Variants in FBXW11 observed in about 807,000 individuals in gnomAD.
The protein encoded by FBXW11 is F-box and WD repeat domain containing 11.
A neutral mutation model predicts 77.6 loss-of-function variants in FBXW11; 19 were observed. That is an observed-to-expected ratio of 0.24 (90% confidence interval 0.17 to 0.36). FBXW11 has a LOEUF of 0.36. Ranked by LOEUF, FBXW11 falls within the 10% of genes least tolerant of loss-of-function variation. The pLI, the probability that FBXW11 is intolerant of heterozygous loss-of-function variation, is 1.00. For synonymous variants in FBXW11, 235 were observed against 249.4 expected (o/e 0.94, Z 0.54); for missense variants, 334 against 704.2 (o/e 0.47, Z 5.95).
chr5:171,970,076 C>T (rs2113412073), intron 1 of FBXW11, among the ~76,000 whole-genome samples: 1 of 152,330 alleles, frequency 6.6e-6, no homozygotes, highest in South Asian at 2.1e-4. Context: ...ATCTAACATG[C>T]TACTTGTCTC....
At chr5:171,893,524 T>G (rs1315919853) in intron 6 of FBXW11, among the ~76,000 whole-genome samples, 1 of 144,234 alleles carries the variant, frequency 6.9e-6, no homozygotes, top group Admixed American at 7.3e-5. Context: ...TAAAAAGAGG[T>G]CCAGAATACA....
chr5:171,885,086 T>C (rs1758785946), intron 7 of FBXW11, among the ~76,000 whole-genome samples: 1 of 152,084 alleles, frequency 6.6e-6, no homozygotes, highest in African/African-American at 2.4e-5. Context: ...GGGGCTGGAG[T>C]TGTGTATTTC....
rs920185617 is a variant in FBXW11 at position 171,877,524 on chromosome 5, A to G, written c.971+487T>C. 3.9e-4 allele frequency among the ~76,000 whole-genome samples: 59 copies of G among 152,250 alleles called. 1 individual carries two copies. Among genetic ancestry groups the G allele is most frequent in the Admixed American group, 3.9e-3 (59 of 15,294 alleles). ...GCTTTTCTGTAACCCTCATCTCCTA[A>G]GAGGACAAGTTCACATAGGGCAGAG... On this transcript the variant is annotated intron_variant, in intron 8 of 13. Transcript: ENST00000517395.
At chr5:171,995,136 G>GA (rs1765962417) in intron 1 of FBXW11, among the ~76,000 whole-genome samples, 1 of 152,050 alleles carries the variant, frequency 6.6e-6, no homozygotes, top group Admixed American at 6.5e-5. Flanking sequence ...ATTAAATACC[G>GA]AAAAAAGTCA....
At chr5:171,987,417 C>A (rs375297485) in intron 1 of FBXW11, among the ~76,000 whole-genome samples, 1 of 151,972 alleles carries the variant, frequency 6.6e-6, no homozygotes, top group African/African-American at 2.4e-5. Context: ...AACTTCTGCT[C>A]GAGCCTCAAA....
chr5:171,887,082 A>G (rs1442634761), intron 7 of FBXW11, among the ~76,000 whole-genome samples: 1 of 152,186 alleles, frequency 6.6e-6, no homozygotes, highest in African/African-American at 2.4e-5. Flanking sequence ...GGAACTTGGG[A>G]AACACTGGGT....
At chr5:171,918,863 G>A (rs1331967644) in intron 2 of FBXW11, among the ~76,000 whole-genome samples, 2 of 152,104 alleles carry the variant, frequency 1.3e-5, no homozygotes, top group Non-Finnish European at 2.9e-5. Context: ...TCTCCAGATC[G>A]CCAAATGTCC....
At chr5:171,975,293 A>AGGAACATGAGAGTTT (rs1764766413) in intron 1 of FBXW11, among the ~76,000 whole-genome samples, 1 of 152,234 alleles carries the variant, frequency 6.6e-6, no homozygotes, top group African/African-American at 2.4e-5. Context: ...AAGGAAGGGA[A>AGGAACATGAGAGTTT]GGAACATGAG....
chr5:171,990,655 T>C (rs1286556729), intron 1 of FBXW11, among the ~76,000 whole-genome samples: 1 of 152,024 alleles, frequency 6.6e-6, no homozygotes, highest in Non-Finnish European at 1.5e-5. Context: ...TTAAATTATC[T>C]CCTCAAAAAA....
At chr5:172,000,841 CA>C (rs1160678921) in intron 1 of FBXW11, among the ~76,000 whole-genome samples, 14 of 152,200 alleles carry the variant, frequency 9.2e-5, no homozygotes, top group Non-Finnish European at 1.8e-4. Context: ...AGCTTGGATA[CA>C]AACTCAGGTG....
At chr5:171,873,955 T>C (rs557308616) in intron 9 of FBXW11, among the ~76,000 whole-genome samples, 2 of 152,112 alleles carry the variant, frequency 1.3e-5, no homozygotes, top group East Asian at 3.9e-4. Flanking sequence ...AACAAAAATT[T>C]AACTCAAAAT....
intron 2 of FBXW11, among the ~76,000 whole-genome samples, chr5:171,935,475 T>A (rs1762425573): frequency 6.6e-6 from 1 of 152,112 alleles, no homozygotes; most frequent in African/African-American, 2.4e-5. Context: ...GAACTACATG[T>A]TGAAAGGGGC....
At chr5:171,920,809 G>A (rs956471091) in intron 2 of FBXW11, among the ~76,000 whole-genome samples, 4 of 152,062 alleles carry the variant, frequency 2.6e-5, no homozygotes, top group African/African-American at 9.7e-5. Flanking sequence ...CTTTTTATCT[G>A]TGCATTTTCA....
intron 6 of FBXW11, among the ~76,000 whole-genome samples, chr5:171,892,900 T>C (rs1031688791): frequency 1.2e-4 from 18 of 152,108 alleles, no homozygotes; most frequent in Non-Finnish European, 1.9e-4. Flanking sequence ...GTTGAAGGAG[T>C]ACTTAATTAC....
chr5:171,873,611 C>T (rs1036599849), intron 9 of FBXW11, among the ~76,000 whole-genome samples: 1 of 152,182 alleles, frequency 6.6e-6, no homozygotes, highest in Non-Finnish European at 1.5e-5. Flanking sequence ...CACTGCACTC[C>T]AGCCTGGGTG....
At chr5:171,911,101 C>T (rs148512279) in intron 3 of FBXW11, among the ~76,000 whole-genome samples, 4 of 152,210 alleles carry the variant, frequency 2.6e-5, no homozygotes, top group South Asian at 2.1e-4. Context: ...TCTCTATACA[C>T]GGGATATATA....
chr5:171,989,033 C>T (rs1178718599), intron 1 of FBXW11, among the ~76,000 whole-genome samples: 1 of 151,832 alleles, frequency 6.6e-6, no homozygotes, highest in Non-Finnish European at 1.5e-5. Flanking sequence ...GAAAATTAGC[C>T]GGGCGTGGTG....
intron 2 of FBXW11, among the ~76,000 whole-genome samples, chr5:171,954,730 C>T (rs1763524840): frequency 6.6e-6 from 1 of 152,116 alleles, no homozygotes; most frequent in African/African-American, 2.4e-5. Context: ...TTCAGGAGGG[C>T]TCATTTTGGC....
intron 9 of FBXW11, among the ~76,000 whole-genome samples, chr5:171,874,536 T>C (rs972114806): frequency 6.6e-6 from 1 of 152,098 alleles, no homozygotes; most frequent in African/African-American, 2.4e-5. Context: ...AGCTATCCAA[T>C]GCAAAGCCTG....
Sources: gnomAD v4.1 joint callset for allele counts (sites outside exome capture counted in the v4.1 genomes callset) on GRCh38, gnomAD v4.1.1 for gene constraint, MANE v1.5 for transcripts, NCBI Gene and HGNC (gene_info 2026-07-23, HGNC 2026-07-21) for gene names.